Variants in DNAH7 observed in about 807,000 individuals in gnomAD.
DNAH7 encodes the protein axonemal beta dynein heavy chain 7.
A neutral mutation model predicts 444.6 loss-of-function variants in DNAH7; 397 were observed. That is an observed-to-expected ratio of 0.89 (90% CI 0.82 to 0.97). DNAH7 has a LOEUF of 0.97. DNAH7 is among the 50% of genes least tolerant of loss of function. The probability of loss-of-function intolerance (pLI) is 0.00; values close to 1 mark genes in which losing one functional copy is unlikely to be tolerated. For missense variants in DNAH7, 4,902 were observed against 4,800.8 expected (o/e 1.02, Z -0.62); for synonymous variants, 1,636 against 1,624.4 (o/e 1.01, Z -0.17).
chr2:195,824,710 C>T (rs943489617), intron 48 of DNAH7, among the ~76,000 whole-genome samples: 4 of 152,132 alleles, frequency 2.6e-5, no homozygotes, highest in Non-Finnish European at 5.9e-5. Context: ...GTGCATGCTG[C>T]CTGGCCTGGG....
At chr2:196,061,731 A>G (rs1698146031) in intron 1 of DNAH7, among the ~76,000 whole-genome samples, 1 of 152,202 alleles carries the variant, frequency 6.6e-6, no homozygotes, top group Non-Finnish European at 1.5e-5. Flanking sequence ...AAAAAGAAAG[A>G]ATGGGGGATC....
chr2:195,774,420 G>A (rs1694976903), intron 60 of DNAH7, among the ~76,000 whole-genome samples: 1 of 152,188 alleles, frequency 6.6e-6, no homozygotes. Context: ...CCAGAGATAG[G>A]AGTTCCATGG....
At chr2:195,950,407 G>C (rs1690140108) in intron 19 of DNAH7, among the ~76,000 whole-genome samples, 1 of 152,182 alleles carries the variant, frequency 6.6e-6, no homozygotes, top group African/African-American at 2.4e-5. Flanking sequence ...GGTGTTTATA[G>C]TAATCTCTGT....
intron 11 of DNAH7, 101 bp from the exon 12 acceptor site, chr2:196,000,984 C>A: frequency 1.1e-6 from 1 of 915,092 alleles, no homozygotes; most frequent in Non-Finnish European, 1.5e-6. Context: ...CCCACACTTT[C>A]TCTTATGACC....
intron 21 of DNAH7, among the ~76,000 whole-genome samples, chr2:195,928,825 A>T (rs1688507272): frequency 6.6e-6 from 1 of 152,056 alleles, no homozygotes; most frequent in South Asian, 2.1e-4. Flanking sequence ...TTTGTGGGAG[A>T]GTCTGACACA....
chr2:195,785,848 AT>A (rs957884101), intron 58 of DNAH7, among the ~76,000 whole-genome samples: 1 of 151,612 alleles, frequency 6.6e-6, no homozygotes, highest in South Asian at 2.1e-4. Flanking sequence ...ATCCTTTTTT[AT>A]TTTTTTTGTT....
At chr2:195,882,550 TAACAGATCTCTAG>T in intron 35 of DNAH7, among the ~76,000 whole-genome samples, 1 of 152,342 alleles carries the variant, frequency 6.6e-6, no homozygotes, top group Non-Finnish European at 1.5e-5. Flanking sequence ...CATTGCTGTG[TAACAGATCTCTAG>T]AACAGGCAAG....
At chr2:195,799,733 T>C (rs1696358090) in intron 54 of DNAH7, among the ~76,000 whole-genome samples, 1 of 152,206 alleles carries the variant, frequency 6.6e-6, no homozygotes, top group Admixed American at 6.5e-5. Flanking sequence ...GAAATGAATG[T>C]TCAAGGCATA....
At chr2:195,948,568 T>G (rs964284204) in intron 19 of DNAH7, among the ~76,000 whole-genome samples, 1 of 152,218 alleles carries the variant, frequency 6.6e-6, no homozygotes, top group Non-Finnish European at 1.5e-5. Context: ...TCATTGCTTG[T>G]TTTTGTCAGG....
chr2:195,985,270 G>C (rs1189455549), intron 14 of DNAH7, among the ~76,000 whole-genome samples: 1 of 152,206 alleles, frequency 6.6e-6, no homozygotes, highest in Non-Finnish European at 1.5e-5. Flanking sequence ...CAATTCTTCA[G>C]TAAGATTGGC....
At chr2:195,925,211 C>T (rs1245913648) in intron 22 of DNAH7, among the ~76,000 whole-genome samples, 10 of 151,890 alleles carry the variant, frequency 6.6e-5, no homozygotes, top group East Asian at 3.9e-4. Context: ...ATTATTTACA[C>T]GGTTAATTTG....
Position 195,936,685 on chromosome 2 carries a change from T to C in DNAH7, c.3186A>G (p.Glu1062=). ...LILKGLNEYL[E]KKRLFFPRFF... ...ATCTGGGGAAAAAGAGGCGTTTCTT[T>C]TCCAAATATTCATTAAGTCCTTTAA... The change falls in exon 20 of 65, where the codon GAA becomes GAG. Residue 1062 remains glutamate (E), a synonymous_variant. Transcript: ENST00000312428. 6.2e-7 allele frequency: 1 copy of C among 1,605,030 alleles called. No homozygotes were observed. Among genetic ancestry groups the C allele is most frequent in the South Asian group, 1.1e-5 (1 of 88,214 alleles).
chr2:195,923,807 C>G lies in DNAH7; in HGVS notation c.3613G>C (p.Ala1205Pro), dbSNP rs1688169641. 4 of 1,612,892 alleles carry G rather than the reference C, an allele frequency of 2.5e-6. No individual in the cohort carries two copies. The highest frequency in any genetic ancestry group is 2.5e-6 in the Non-Finnish European group (3 of 1,179,382). Residue 1205 changes from alanine (A) to proline (P), a missense_variant and splice_region_variant, in exon 23 of 65, where the codon GCT becomes CCT. Transcript: ENST00000312428. ...VQTAIPMGIK[A>P]LEQYLKTCNR... ...CATGTTTTCAAGTATTGCTCAAGAG[C>G]CTGAAAGAAAAGAAAATAAGATATG... is the stretch of plus-strand genomic sequence containing the variant.
At chr2:196,054,603 C>G (rs1247142714) in intron 2 of DNAH7, among the ~76,000 whole-genome samples, 1 of 152,158 alleles carries the variant, frequency 6.6e-6, no homozygotes, top group Non-Finnish European at 1.5e-5. Context: ...CCCACCCCAC[C>G]TCCACCTACT....
chr2:195,904,905 C>G (rs1686922107), intron 27 of DNAH7: 2 of 152,082 alleles, frequency 1.3e-5, no homozygotes, highest in Non-Finnish European at 1.5e-5. Flanking sequence ...GTAACTCTTT[C>G]ATTTCAGACT....
chr2:195,925,990 T>A (rs1688306197), intron 22 of DNAH7, among the ~76,000 whole-genome samples: 1 of 152,098 alleles, frequency 6.6e-6, no homozygotes, highest in Admixed American at 6.5e-5. Flanking sequence ...GTATTCACAA[T>A]CAATACATTA....
chr2:195,769,924 G>A (rs760774474), intron 61 of DNAH7, among the ~76,000 whole-genome samples: 3 of 151,998 alleles, frequency 2.0e-5, no homozygotes, highest in South Asian at 2.1e-4. Flanking sequence ...CTAACAACTC[G>A]ACCTCCCCAT....
intron 24 of DNAH7, among the ~76,000 whole-genome samples, chr2:195,917,391 T>C (rs186129297): frequency 8.8e-4 from 134 of 152,160 alleles, no homozygotes; most frequent in Non-Finnish European, 1.5e-3. Flanking sequence ...CCCTCCCAAG[T>C]GCTGGCAGGC....
chr2:195,743,221 G>A (rs577751979), intron 63 of DNAH7, among the ~76,000 whole-genome samples: 1 of 152,338 alleles, frequency 6.6e-6, no homozygotes, highest in East Asian at 1.9e-4. Context: ...TGCGCTGTCT[G>A]CTTCCGTACT....
Sources: allele counts gnomAD v4.1 joint callset (sites outside exome capture counted in the v4.1 genomes callset), GRCh38; gene constraint gnomAD v4.1.1; transcripts MANE v1.5; gene names NCBI Gene and HGNC (gene_info 2026-07-23, HGNC 2026-07-21).